Variants in ALDH4A1 observed in about 807,000 individuals in gnomAD.
ALDH4A1 encodes the protein delta-1-pyrroline-5-carboxylate dehydrogenase, mitochondrial.
ALDH4A1 carries 46 observed loss-of-function variants against 70.5 expected under a neutral mutation model. That is an observed-to-expected ratio of 0.65 (90% CI 0.51 to 0.83). The LOEUF (loss-of-function observed/expected upper bound fraction) is 0.83, where lower values mean the gene tolerates loss of function less well. ALDH4A1 is among the 40% of genes least tolerant of loss of function. The pLI is 0.00. For missense variants in ALDH4A1, 749 were observed against 766.5 expected (o/e 0.98, Z 0.27); for synonymous variants, 323 against 324.3 (o/e 1.00, Z 0.04).
chr1:18,881,259 T>C (rs572721503), intron 8 of ALDH4A1, among the ~76,000 whole-genome samples: 1 of 152,146 alleles, frequency 6.6e-6, no homozygotes, highest in African/African-American at 2.4e-5. Context: ...CTATTCCCTC[T>C]CCCAACATAT....
chr1:18,902,101 T>C (rs577340089), intron 1 of ALDH4A1, among the ~76,000 whole-genome samples: 2 of 152,070 alleles, frequency 1.3e-5, no homozygotes, highest in East Asian at 3.9e-4. Flanking sequence ...GAAGGGCCCC[T>C]CAGGGGAAGC....
At chr1:18,873,070 C>T in intron 14 of ALDH4A1, 113 bp from the exon 15 acceptor site, 1 of 919,316 alleles carries the variant, frequency 1.1e-6, no homozygotes, top group Non-Finnish European at 1.7e-6. Flanking sequence ...CAGCAGCGAG[C>T]CTGCTGCCAA....
intron 1 of ALDH4A1, among the ~76,000 whole-genome samples, chr1:18,894,150 G>T (rs909927723): frequency 8.5e-5 from 13 of 152,172 alleles, no homozygotes; most frequent in Non-Finnish European, 1.6e-4. Flanking sequence ...GAGACAAATG[G>T]GCTCCCAGAT....
intron 1 of ALDH4A1, among the ~76,000 whole-genome samples, chr1:18,891,863 A>G (rs193142080): frequency 1.3e-5 from 2 of 152,218 alleles, no homozygotes; most frequent in Admixed American, 1.3e-4. Context: ...CCCCGTCTCT[A>G]CTAAAAATAC....
chr1:18,901,930 G>GAAA (rs77510825), intron 1 of ALDH4A1, among the ~76,000 whole-genome samples: 32 of 99,054 alleles, frequency 3.2e-4, no homozygotes, highest in African/African-American at 9.2e-4. Flanking sequence ...CATTTAACTT[G>GAAA]AAAAAAAAAA....
At chr1:18,876,220 T>C (rs965027380) in intron 12 of ALDH4A1, 95 bp downstream of exon 12, 3 of 1,513,214 alleles carry the variant, frequency 2.0e-6, no homozygotes, top group Non-Finnish European at 2.7e-6. Context: ...GGGCCTCATC[T>C]GTGAAATGGG....
At chr1:18,881,251 A>G (rs1186523670) in intron 8 of ALDH4A1, among the ~76,000 whole-genome samples, 3 of 151,964 alleles carry the variant, frequency 2.0e-5, no homozygotes, top group Non-Finnish European at 2.9e-5. Flanking sequence ...TGTATGTGCT[A>G]TTCCCTCTCC....
chr1:18,877,332 A>T, intron 10 of ALDH4A1, 77 bp from the exon 11 acceptor site: 1 of 1,556,028 alleles, frequency 6.4e-7, no homozygotes, highest in Non-Finnish European at 8.7e-7. Context: ...CGCACACCCC[A>T]GCCCCGGCTG....
intron 3 of ALDH4A1, 136 bp from the exon 4 acceptor site, chr1:18,886,647 A>C (rs1569768201): frequency 2.1e-6 from 2 of 940,138 alleles, no homozygotes. Flanking sequence ...CTCCCATGAA[A>C]CCCTCCCCAG....
In ALDH4A1 at chr1:18,871,889, T is replaced by G. The variant is rs1338026856; in HGVS notation, c.*956A>C. 6.6e-6 allele frequency: 1 copy of G among 152,292 alleles called. No individual in the cohort carries two copies. Among genetic ancestry groups the G allele is most frequent in the Admixed American group, 6.5e-5 (1 of 15,290 alleles). 9.4% of individuals were successfully genotyped at this position (152,292 alleles called of 1,614,324 possible). ...GAGCCACTCCCAGGCAGAGGAGGAT[T>G]CTACAGGCAACGTCCTCGGCCCATG... On this transcript the variant is annotated 3_prime_UTR_variant, in exon 15 of 15. Transcript: ENST00000375341.
Position 18,885,708 on chromosome 1 carries a change from G to A in ALDH4A1, c.298-80C>T, listed in dbSNP as rs1935174729. 2.5e-6 allele frequency: 4 copies of A among 1,583,396 alleles called. No homozygotes were observed. The East Asian group carries it at 9.0e-5, about 36-fold the overall frequency. ...GGAGTGAGCGAGGGAGGAGAGACCT[G>A]GGAGGCCACTCTCTTCCATCCGGGG... On this transcript the variant is annotated intron_variant, in intron 4 of 14. Coordinates refer to ENST00000375341, the MANE Select transcript of ALDH4A1 (RefSeq NM_003748.4).
At chr1:18,878,435 C>T (rs1027095841) in intron 9 of ALDH4A1, among the ~76,000 whole-genome samples, 4 of 152,140 alleles carry the variant, frequency 2.6e-5, no homozygotes, top group African/African-American at 4.8e-5. Flanking sequence ...CACCCCCATC[C>T]GAACTCCCAC....
intron 14 of ALDH4A1, 109 bp from the exon 15 acceptor site, chr1:18,873,066 C>A: frequency 2.1e-6 from 2 of 960,782 alleles, no homozygotes; most frequent in South Asian, 1.4e-5. Context: ...CGGCCAGCAG[C>A]GAGCCTGCTG....
chr1:18,888,097 A>G (rs9426645), intron 3 of ALDH4A1, among the ~76,000 whole-genome samples: 8,371 of 152,304 alleles, frequency 0.055, 328 homozygotes, highest in African/African-American at 0.11. Flanking sequence ...CACATTTCAC[A>G]TGCTCAACAA....
chr1:18,879,256 G>A, intron 9 of ALDH4A1, 44 bp downstream of exon 9: 1 of 1,540,972 alleles, frequency 6.5e-7, no homozygotes, highest in African/African-American at 1.4e-5. Flanking sequence ...CCAGGGGAGG[G>A]GTCCCTGGGG....
chr1:18,895,314 A>C (rs1178850409), intron 1 of ALDH4A1, among the ~76,000 whole-genome samples: 1 of 152,198 alleles, frequency 6.6e-6, no homozygotes, highest in East Asian at 1.9e-4. Flanking sequence ...TGAGACCTCA[A>C]GTTGGTCCCC....
intron 1 of ALDH4A1, among the ~76,000 whole-genome samples, chr1:18,900,651 G>A (rs1168686423): frequency 1.3e-5 from 2 of 152,196 alleles, no homozygotes; most frequent in African/African-American, 2.4e-5. Context: ...GAATAGTGGT[G>A]AGGTTGAGAA....
chr1:18,884,283 C>A (rs28405710), intron 5 of ALDH4A1, among the ~76,000 whole-genome samples: 48,939 of 152,038 alleles, frequency 0.32, 9,250 homozygotes, highest in African/African-American at 0.51. Context: ...ATTTAGCAGG[C>A]TGAGGGGCTG....
intron 1 of ALDH4A1, among the ~76,000 whole-genome samples, chr1:18,901,382 A>G (rs1017218515): frequency 1.3e-5 from 2 of 152,212 alleles, no homozygotes; most frequent in African/African-American, 4.8e-5. Flanking sequence ...GGCACAGCTC[A>G]TCAGGAAAGA....
Sources: gnomAD v4.1 joint callset for allele counts (sites outside exome capture counted in the v4.1 genomes callset) on GRCh38, gnomAD v4.1.1 for gene constraint, MANE v1.5 for transcripts, NCBI Gene and HGNC (gene_info 2026-07-23, HGNC 2026-07-21) for gene names.